ANXA10: variants seen among roughly 807,000 people sequenced by gnomAD.
ANXA10 encodes annexin 14.
Under a neutral mutation model 53.5 loss-of-function variants are expected in ANXA10, and 49 were observed. The observed-to-expected ratio is 0.92, with a 90% CI of 0.73 to 1.16. The LOEUF (loss-of-function observed/expected upper bound fraction) is 1.16. Among genes scored for constraint, ANXA10 ranks in the 50% most tolerant of loss-of-function variants. ANXA10 has a pLI of 0.00. For synonymous variants in ANXA10, 131 were observed against 128.9 expected (o/e 1.02, Z -0.11); for missense variants, 393 against 394.4 (o/e 1.00, Z 0.03).
At chr4:168,118,855 A>G (rs1253914106) in intron 1 of ANXA10, among the ~76,000 whole-genome samples, 1 of 152,166 alleles carries the variant, frequency 6.6e-6, no homozygotes, top group Non-Finnish European at 1.5e-5. Context: ...CAAGAAGCAA[A>G]AGTTATTATT....
chr4:168,129,678 C>T (rs1731128150), intron 2 of ANXA10, among the ~76,000 whole-genome samples: 1 of 152,136 alleles, frequency 6.6e-6, no homozygotes, highest in South Asian at 2.1e-4. Context: ...TTCTTAGCTA[C>T]TGTGTTTTAT....
chr4:168,134,430 T>C (rs1392748136), intron 2 of ANXA10, among the ~76,000 whole-genome samples: 1 of 152,138 alleles, frequency 6.6e-6, no homozygotes, highest in African/African-American at 2.4e-5. Flanking sequence ...GAAAACTTAA[T>C]AGAGCAATTC....
At chr4:168,115,166 A>C (rs1730872680) in intron 1 of ANXA10, among the ~76,000 whole-genome samples, 1 of 152,124 alleles carries the variant, frequency 6.6e-6, no homozygotes, top group African/African-American at 2.4e-5. Flanking sequence ...TTCAGACATG[A>C]GTCACTGTGC....
At chr4:168,112,342 T>A (rs1195838414) in intron 1 of ANXA10, among the ~76,000 whole-genome samples, 2 of 151,640 alleles carry the variant, frequency 1.3e-5, no homozygotes, top group Admixed American at 1.3e-4. Context: ...AAAAGCCAGA[T>A]TACAAAAAAA....
intron 1 of ANXA10, 132 bp from the exon 2 acceptor site, chr4:168,127,952 G>C: frequency 1.5e-6 from 1 of 687,554 alleles, no homozygotes; most frequent in East Asian, 2.9e-5. Context: ...TTCAACTCCT[G>C]ACTTCAGGTG....
chr4:168,155,405 T>A (rs1388182868), intron 3 of ANXA10, among the ~76,000 whole-genome samples: 1 of 82,336 alleles, frequency 1.2e-5, no homozygotes, highest in Non-Finnish European at 2.2e-5. Context: ...TATTATATAT[T>A]ATATTATACA....
At chr4:168,126,241 G>C (rs1731066167) in intron 1 of ANXA10, among the ~76,000 whole-genome samples, 2 of 152,104 alleles carry the variant, frequency 1.3e-5, no homozygotes, top group African/African-American at 4.8e-5. Flanking sequence ...ATTAGGTTAA[G>C]TTAAAATGTG....
At chr4:168,146,640 G>T (rs953457324) in intron 3 of ANXA10, among the ~76,000 whole-genome samples, 1 of 152,134 alleles carries the variant, frequency 6.6e-6, no homozygotes, top group Non-Finnish European at 1.5e-5. Context: ...TCTGAGCAAC[G>T]CAGGCTGGAT....
intron 2 of ANXA10, among the ~76,000 whole-genome samples, chr4:168,138,178 G>C (rs1233318493): frequency 2.0e-5 from 3 of 151,704 alleles, no homozygotes; most frequent in African/African-American, 7.3e-5. Context: ...AGCCAGGATG[G>C]TCTCAACCTC....
At chr4:168,099,407 G>A (rs1307046702) in intron 1 of ANXA10, among the ~76,000 whole-genome samples, 1 of 152,026 alleles carries the variant, frequency 6.6e-6, no homozygotes, top group African/African-American at 2.4e-5. Context: ...CTCACCTGTG[G>A]GCTGACTGCT....
intron 3 of ANXA10, among the ~76,000 whole-genome samples, chr4:168,156,185 A>ATATATTATATAT (rs1731664312): frequency 2.7e-5 from 1 of 37,312 alleles, no homozygotes; most frequent in Non-Finnish European, 4.3e-5. Context: ...ATTATATATT[A>ATATATTATATAT]TATATTATAT....
At chr4:168,180,280 T>G (rs1732215880) in intron 9 of ANXA10, among the ~76,000 whole-genome samples, 1 of 152,176 alleles carries the variant, frequency 6.6e-6, no homozygotes, top group Admixed American at 6.5e-5. Context: ...TAACCATATA[T>G]TACATCAAAA....
chr4:168,131,837 G>T (rs1731160590), intron 2 of ANXA10, among the ~76,000 whole-genome samples: 1 of 151,866 alleles, frequency 6.6e-6, no homozygotes, highest in South Asian at 2.1e-4. Flanking sequence ...GCATTTGCAT[G>T]GTATATAATT....
At chr4:168,125,070 G>A (rs545608802) in intron 1 of ANXA10, among the ~76,000 whole-genome samples, 58 of 152,300 alleles carry the variant, frequency 3.8e-4, no homozygotes, top group Non-Finnish European at 2.1e-4. Context: ...ACCCTTTAAT[G>A]TTGGCTGTGT....
chr4:168,103,713 G>A (rs1173817533), intron 1 of ANXA10, among the ~76,000 whole-genome samples: 4 of 151,764 alleles, frequency 2.6e-5, no homozygotes, highest in Admixed American at 1.3e-4. Context: ...CCAGGATTTC[G>A]ACTGGGATTT....
intron 1 of ANXA10, among the ~76,000 whole-genome samples, chr4:168,094,535 T>A (rs2149462851): frequency 6.6e-6 from 1 of 152,260 alleles, no homozygotes; most frequent in African/African-American, 2.4e-5. Context: ...GACTGGCTCT[T>A]CTGTTGACAA....
At chr4:168,099,564 T>C (rs767726033) in intron 1 of ANXA10, among the ~76,000 whole-genome samples, 5 of 152,166 alleles carry the variant, frequency 3.3e-5, no homozygotes. Flanking sequence ...GACTTTTTCA[T>C]GTAACAATGG....
At chr4:168,166,762 G>A (rs992874615) in intron 6 of ANXA10, among the ~76,000 whole-genome samples, 1 of 151,664 alleles carries the variant, frequency 6.6e-6, no homozygotes, top group Non-Finnish European at 1.5e-5. Context: ...AGAATTAGTA[G>A]TCACCAAAGA....
chr4:168,111,761 A>G (rs781691761), intron 1 of ANXA10, among the ~76,000 whole-genome samples: 1 of 152,220 alleles, frequency 6.6e-6, no homozygotes, highest in Admixed American at 6.5e-5. Flanking sequence ...GCTTTGCAAA[A>G]TATACTTATC....
Sources: gnomAD v4.1 joint callset for allele counts (sites outside exome capture counted in the v4.1 genomes callset) on GRCh38, gnomAD v4.1.1 for gene constraint, MANE v1.5 for transcripts, NCBI Gene and HGNC (gene_info 2026-07-23, HGNC 2026-07-21) for gene names.